Variants in ARHGEF26 observed in about 807,000 individuals in gnomAD.
The protein encoded by ARHGEF26 is Rho guanine nucleotide exchange factor 26.
In ARHGEF26, 59 loss-of-function variants were observed where a neutral mutation model predicts 89.4. The ratio of observed to expected loss-of-function variants is 0.66; its 90% CI spans 0.54 to 0.82. ARHGEF26 has a LOEUF of 0.82. ARHGEF26 is among the 40% of genes least tolerant of loss of function. The pLI, the probability that ARHGEF26 is intolerant of heterozygous loss-of-function variation, is 0.00. For synonymous variants in ARHGEF26, 500 were observed against 428.4 expected, an observed-to-expected ratio of 1.17 and a Z score of -2.06; for missense variants, 1,234 against 1,085.6, an observed-to-expected ratio of 1.14 and a Z score of -1.92.
intron 8 of ARHGEF26, among the ~76,000 whole-genome samples, chr3:154,194,420 C>T (rs1470907755): frequency 6.6e-6 from 1 of 152,142 alleles, no homozygotes; most frequent in Non-Finnish European, 1.5e-5. Context: ...GGGTTACCCA[C>T]CTCTGAATTC....
chr3:154,211,427 T>C (rs1417575508), intron 9 of ARHGEF26, among the ~76,000 whole-genome samples: 2 of 151,790 alleles, frequency 1.3e-5, no homozygotes, highest in Non-Finnish European at 2.9e-5. Flanking sequence ...CAGGACAGCA[T>C]TGAGTTCAGT....
rs758380978 is a variant in ARHGEF26 at position 154,255,348 on chromosome 3, C to T, written c.2491C>T (p.Arg831Ter). 20 of 1,612,742 alleles carry T rather than the reference C, an allele frequency of 1.2e-5. No homozygotes were observed. The highest frequency in any genetic ancestry group is 2.7e-5 in the African/African-American group (2 of 74,724). Reference protein sequence around the residue: ...RVSDGWYEGERLRDGERGWFP... With the variant: ...RVSDGWYEGE ...TTTCACAGGCTGGTATGAGGGGGAA[C>T]GACTACGAGATGGAGAAAGAGGCTG... is the stretch of plus-strand genomic sequence containing the variant. Residue 831 changes from arginine (R) to a stop codon, truncating the protein, a stop_gained, in exon 15 of 15, where the codon CGA becomes TGA. Coordinates refer to ENST00000465093, the MANE Select transcript of ARHGEF26 (RefSeq NM_015595.4). LOFTEE classifies it high-confidence loss of function.
intron 7 of ARHGEF26, among the ~76,000 whole-genome samples, chr3:154,188,052 A>G (rs1473343693): frequency 6.6e-6 from 1 of 152,168 alleles, no homozygotes; most frequent in Non-Finnish European, 1.5e-5. Context: ...ACGAAATTAT[A>G]GCTTGTTATT....
chr3:154,122,654 C>T lies in ARHGEF26; in HGVS notation c.662C>T (p.Pro221Leu), dbSNP rs1718048611. Reference sequence around the variant, plus strand: ...CAAAAACTCCCCCTCCAAAGGCTGCCCTCCCAGGAGAACGAGCTCCTCGAG... The same window carrying T: ...CAAAAACTCCCCCTCCAAAGGCTGCTCTCCCAGGAGAACGAGCTCCTCGAG... The part of the protein sequence containing the change: ...SEQKLPLQRL[P>L]SQENELLENP... The change falls in exon 2 of 15, where the codon CCC becomes CTC. Residue 221 changes from proline (P) to leucine (L), a missense_variant. Physicochemically the swap from Pro to Leu is moderately conservative, Grantham distance 98. Coordinates refer to ENST00000465093, the MANE Select transcript of ARHGEF26 (RefSeq NM_015595.4). The T allele has an allele frequency of 1.2e-6, 2 of 1,613,914 alleles. No homozygotes were observed. Among genetic ancestry groups the T allele is most frequent in the African/African-American group, 1.3e-5 (1 of 75,070 alleles).
At chr3:154,164,511 G>GA (rs1293753088) in intron 6 of ARHGEF26, among the ~76,000 whole-genome samples, 5 of 152,020 alleles carry the variant, frequency 3.3e-5, no homozygotes, top group Non-Finnish European at 7.4e-5. Context: ...CTTGGACTTT[G>GA]AAAAAAATTT....
At chr3:154,136,953 T>G (rs1719046493) in intron 4 of ARHGEF26, among the ~76,000 whole-genome samples, 1 of 152,194 alleles carries the variant, frequency 6.6e-6, no homozygotes, top group Admixed American at 6.5e-5. Context: ...CATCATGGTT[T>G]AAACAGAACT....
chr3:154,255,072 A>G lies in ARHGEF26; in HGVS notation c.2473+248A>G, dbSNP rs989241423. ...TTTCAAAAATAGCATTCTTCCTGCT[A>G]TCCTTTACCCAAAGCATCTCCTTTC... On this transcript the variant is annotated intron_variant, in intron 14 of 14. Coordinates refer to ENST00000465093, the MANE Select transcript of ARHGEF26 (RefSeq NM_015595.4). 1.2e-4 allele frequency among the ~76,000 whole-genome samples: 18 copies of G among 152,180 alleles called. 2 individuals are homozygous for G. The highest frequency in any genetic ancestry group is 2.0e-4 in the Admixed American group (3 of 15,284).
chr3:154,225,313 A>C (rs1716415792), intron 10 of ARHGEF26, among the ~76,000 whole-genome samples: 2 of 152,208 alleles, frequency 1.3e-5, no homozygotes, highest in South Asian at 4.1e-4. Context: ...GGTGTTCTCA[A>C]GAATATGGCT....
intron 4 of ARHGEF26, among the ~76,000 whole-genome samples, chr3:154,130,082 T>C (rs997057695): frequency 6.6e-6 from 1 of 152,068 alleles, no homozygotes; most frequent in Non-Finnish European, 1.5e-5. Context: ...TATATGTACA[T>C]GTATGTATGT....
Position 154,255,442 on chromosome 3 carries a change from G to C in ARHGEF26, c.2585G>C (p.Gly862Ala). The change falls in exon 15 of 15, where the codon GGA (glycine) becomes GCA (alanine). Residue 862 changes from glycine to alanine, a missense_variant. Gly to Ala is a moderately conservative substitution (Grantham distance 60, BLOSUM62 0). Coordinates refer to ENST00000465093, the MANE Select transcript of ARHGEF26 (RefSeq NM_015595.4). ...ATTGATAAGAATGTGGAGAGAATGG[G>C]ACGCTTGCTAGGACTGGAGACCAAC... ...ATIDKNVERM[G>A]RLLGLETNV 6.2e-7 allele frequency: 1 copy of C among 1,613,852 alleles called. No individual in the cohort carries two copies. Among genetic ancestry groups the C allele is most frequent in the Non-Finnish European group, 8.5e-7 (1 of 1,179,822 alleles).
At position 154,122,788 on chromosome 3, in the gene ARHGEF26, A is replaced by T; in HGVS notation, c.796A>T (p.Asn266Tyr). The T allele has an allele frequency of 1.2e-6, 2 of 1,611,242 alleles. No homozygotes were observed. The highest frequency in any genetic ancestry group is 1.7e-5 in the Admixed American group (1 of 59,552). The change falls in exon 2 of 15, where the codon AAT becomes TAT. Residue 266 changes from asparagine (N) to tyrosine (Y), a missense_variant. Coordinates refer to ENST00000465093, the MANE Select transcript of ARHGEF26 (RefSeq NM_015595.4). ...GGAAATTAAAATAAGTAAATCCAACAATCAAAATGTGGAGCCCCACAAGAG... is the reference window on the plus strand; with the variant it reads ...GGAAATTAAAATAAGTAAATCCAACTATCAAAATGTGGAGCCCCACAAGAG... ...ASEIKISKSN[N>Y]QNVEPHKRLL...
intron 12 of ARHGEF26, among the ~76,000 whole-genome samples, chr3:154,248,941 TG>T: frequency 6.6e-6 from 1 of 152,188 alleles, no homozygotes; most frequent in Non-Finnish European, 1.5e-5. Flanking sequence ...CTAGTTGAAT[TG>T]AGTTTGTGAG....
chr3:154,208,319 G>A (rs1343204653), intron 9 of ARHGEF26, among the ~76,000 whole-genome samples: 1 of 152,162 alleles, frequency 6.6e-6, no homozygotes, highest in Non-Finnish European at 1.5e-5. Flanking sequence ...AAAGTACTGG[G>A]ATTACAGGTG....
In ARHGEF26 at chr3:154,152,872, C is replaced by T; in HGVS notation, c.1427C>T (p.Thr476Ile). The change falls in exon 6 of 15, where the codon ACT (threonine) becomes ATT (isoleucine). Residue 476 changes from threonine (T) to isoleucine (I), a missense_variant. Physicochemically the swap from Thr to Ile is moderately conservative, Grantham distance 89. Transcript: ENST00000465093. Reference sequence around the variant, plus strand: ...TCTAAAGAACTGAGTGATACAATGACTAAAACCGAGAGGCACCATCTTTTC... The same window carrying T: ...TCTAAAGAACTGAGTGATACAATGATTAAAACCGAGAGGCACCATCTTTTC... Reference protein sequence around the residue: ...KNSKELSDTMTKTERHHLFSN... With the variant: ...KNSKELSDTMIKTERHHLFSN... 3 of 1,596,998 alleles carry T rather than the reference C, an allele frequency of 1.9e-6. No homozygotes were observed. The highest frequency in any genetic ancestry group is 2.6e-6 in the Non-Finnish European group (3 of 1,171,542).
intron 12 of ARHGEF26, among the ~76,000 whole-genome samples, chr3:154,248,132 C>CATG (rs200026138): frequency 2.4e-3 from 363 of 152,310 alleles, no homozygotes; most frequent in African/African-American, 8.3e-3. Context: ...ACATCTAGGA[C>CATG]ATGTTCAGTG....
intron 10 of ARHGEF26, among the ~76,000 whole-genome samples, chr3:154,222,345 A>G (rs1716184734): frequency 6.6e-6 from 1 of 152,118 alleles, no homozygotes; most frequent in Non-Finnish European, 1.5e-5. Context: ...ATGAGAGGAG[A>G]TGGAAAGCAT....
chr3:154,251,170 C>T (rs895239424), intron 12 of ARHGEF26, among the ~76,000 whole-genome samples: 5 of 152,202 alleles, frequency 3.3e-5, no homozygotes, highest in Non-Finnish European at 5.9e-5. Flanking sequence ...GTAACACCAC[C>T]TCTTTGATTT....
chr3:154,255,318 T>G lies in ARHGEF26; in HGVS notation c.2474-13T>G. 6.2e-7 allele frequency: 1 copy of G among 1,610,286 alleles called. No individual in the cohort carries two copies. Among genetic ancestry groups the G allele is most frequent in the Non-Finnish European group, 8.5e-7 (1 of 1,177,924 alleles). Reference sequence around the variant, plus strand: ...TACTTGTTGTTTGGTGTGGACTCTGTTCTTTTTCACAGGCTGGTATGAGGG... The same window carrying G: ...TACTTGTTGTTTGGTGTGGACTCTGGTCTTTTTCACAGGCTGGTATGAGGG... On this transcript the variant is annotated splice_polypyrimidine_tract_variant and intron_variant, in intron 14 of 14. Transcript: ENST00000465093.
At chr3:154,205,553 T>C (rs1714964619) in intron 9 of ARHGEF26, among the ~76,000 whole-genome samples, 1 of 152,214 alleles carries the variant, frequency 6.6e-6, no homozygotes, top group Non-Finnish European at 1.5e-5. Context: ...CCTTTTGTTA[T>C]TTGTTTTCTG....
Sources: gnomAD v4.1 joint callset for allele counts (sites outside exome capture counted in the v4.1 genomes callset) on GRCh38, gnomAD v4.1.1 for gene constraint, MANE v1.5 for transcripts, NCBI Gene and HGNC (gene_info 2026-07-23, HGNC 2026-07-21) for gene names.